NOVA2: variants seen among roughly 807,000 people sequenced by gnomAD.
NOVA2 encodes the protein NOVA alternative splicing regulator 2.
Under a neutral mutation model 22.5 loss-of-function variants are expected in NOVA2, and 9 were observed. The observed-to-expected ratio is 0.40, with a 90% CI of 0.24 to 0.70. The LOEUF is 0.70. Among genes scored for constraint, NOVA2 ranks in the 30% least tolerant of loss-of-function variants. NOVA2 has a pLI of 0.38. For missense variants in NOVA2, 383 were observed against 682.8 expected (o/e 0.56, Z 4.89); for synonymous variants, 318 against 335.2 (o/e 0.95, Z 0.56).
At chr19:45,948,911 C>A (rs1399993522) in intron 3 of NOVA2, among the ~76,000 whole-genome samples, 2 of 152,072 alleles carry the variant, frequency 1.3e-5, no homozygotes, top group African/African-American at 4.8e-5. Flanking sequence ...AACAGACAAG[C>A]AAAATGTGGT....
At chr19:45,968,862 C>T (rs1402403123) in intron 1 of NOVA2, among the ~76,000 whole-genome samples, 6 of 152,008 alleles carry the variant, frequency 3.9e-5, no homozygotes, top group Non-Finnish European at 8.8e-5. Context: ...ATGTTGACTT[C>T]GTGATAAAGA....
Position 45,939,563 on chromosome 19 carries a change from T to A in NOVA2, c.*300A>T. On this transcript the variant is annotated 3_prime_UTR_variant, in exon 4 of 4. Transcript: ENST00000263257. ...CTATTAAAATCAACAAAATGCAATATATACAGATATCACACAGACCTGGGC... is the reference window on the plus strand; with the variant it reads ...CTATTAAAATCAACAAAATGCAATAAATACAGATATCACACAGACCTGGGC... 1 of 305,690 alleles carries A rather than the reference T, an allele frequency of 3.3e-6. No individual in the cohort carries two copies. Among genetic ancestry groups the A allele is most frequent in the East Asian group, 6.3e-5 (1 of 15,920 alleles). The allele number at this position is 305,690 out of a possible 1,614,324, so 18.9% of individuals were successfully genotyped here. A position where few individuals can be genotyped will look rare whatever the true frequency, so the allele number is the denominator to read the frequency against.
chr19:45,949,343 C>CCG (rs1156247590), intron 3 of NOVA2, among the ~76,000 whole-genome samples: 1 of 134,522 alleles, frequency 7.4e-6, no homozygotes, highest in Non-Finnish European at 1.6e-5. Context: ...AAAAAAAACA[C>CCG]CAGGAAAAAC....
intron 3 of NOVA2, among the ~76,000 whole-genome samples, chr19:45,948,529 G>A (rs770553646): frequency 2.0e-5 from 3 of 151,596 alleles, no homozygotes; most frequent in South Asian, 2.1e-4. Flanking sequence ...GAACCCGGGA[G>A]GGGGAGCTTG....
chr19:45,951,827 T>G (rs902050894), intron 3 of NOVA2, among the ~76,000 whole-genome samples: 1 of 151,982 alleles, frequency 6.6e-6, no homozygotes, highest in Non-Finnish European at 1.5e-5. Flanking sequence ...ATAATAATAA[T>G]AAAGCATTTT....
chr19:45,947,070 C>G (rs954531173), intron 3 of NOVA2, among the ~76,000 whole-genome samples: 1 of 152,100 alleles, frequency 6.6e-6, no homozygotes, highest in African/African-American at 2.4e-5. Flanking sequence ...TTCCTCTTCT[C>G]CGCTTTATTT....
chr19:45,966,815 T>G lies in NOVA2; in HGVS notation c.86-5662A>C, dbSNP rs1178849500. Among the ~76,000 whole-genome samples the G allele has an allele frequency of 5.3e-5, 8 of 152,242 alleles. No homozygotes were observed. In the South Asian group the frequency reaches 1.2e-3, roughly 24 times the overall value. On this transcript the variant is annotated intron_variant, in intron 1 of 3. Transcript: ENST00000263257. ...TTGCTTGAACCCGGGAGGCGGAGGT[T>G]GCAGTGAGCTGAGATGGTGCCACTG... is the stretch of plus-strand genomic sequence containing the variant.
chr19:45,962,422 G>C (rs887962505), intron 1 of NOVA2: 2 of 152,690 alleles, frequency 1.3e-5, no homozygotes, highest in Non-Finnish European at 2.9e-5. Context: ...ACCAGCCCAC[G>C]GTCATCACCA....
rs1033823425 is a variant in NOVA2, at chr19:45,935,351, G to A, written c.*4512C>T. On this transcript the variant is annotated 3_prime_UTR_variant, in exon 4 of 4. Coordinates refer to ENST00000263257, the MANE Select transcript of NOVA2 (RefSeq NM_002516.4). ...CCATACACACCAGCAGTGGCGCCCGGAGACAAGCCCTCTCCAACCACGGCG... is the reference window on the plus strand; with the variant it reads ...CCATACACACCAGCAGTGGCGCCCGAAGACAAGCCCTCTCCAACCACGGCG... The A allele has an allele frequency of 4.6e-5, 7 of 152,426 alleles. No individual in the cohort carries two copies. Among genetic ancestry groups the A allele is most frequent in the African/African-American group, 1.4e-4 (6 of 41,440 alleles). The allele number at this position is 152,426 out of a possible 1,614,324, so 9.4% of individuals were successfully genotyped here.
At chr19:45,957,891 G>A (rs1199600257) in intron 2 of NOVA2, among the ~76,000 whole-genome samples, 6 of 151,936 alleles carry the variant, frequency 3.9e-5, no homozygotes, top group Non-Finnish European at 8.8e-5. Flanking sequence ...GAGGTCAGGA[G>A]ATCAAGACCA....
At chr19:45,964,346 ATTTGTGTGTG>A (rs1273048115) in intron 1 of NOVA2, among the ~76,000 whole-genome samples, 3 of 98,102 alleles carry the variant, frequency 3.1e-5, no homozygotes, top group East Asian at 6.0e-4. Context: ...TGCCCGGCTA[ATTTGTGTGTG>A]TGTGTGTGTG....
chr19:45,942,385 G>A (rs1321430596), intron 3 of NOVA2, among the ~76,000 whole-genome samples: 2 of 152,142 alleles, frequency 1.3e-5, no homozygotes, highest in African/African-American at 4.8e-5. Flanking sequence ...AGAAGGTCTA[G>A]GAGAGAGGCC....
intron 1 of NOVA2, among the ~76,000 whole-genome samples, chr19:45,972,663 GCACACATACACACACACGCA>G (rs1287163307): frequency 4.0e-5 from 6 of 151,806 alleles, no homozygotes; most frequent in African/African-American, 1.5e-4. Flanking sequence ...GCTGTAGAGG[GCACACATACACACACACGCA>G]CACACATACA....
At chr19:45,955,660 C>G (rs1012272123) in intron 2 of NOVA2, among the ~76,000 whole-genome samples, 1 of 151,952 alleles carries the variant, frequency 6.6e-6, no homozygotes, top group Non-Finnish European at 1.5e-5. Flanking sequence ...GAGATCGAGA[C>G]CATCCTGGGC....
Position 45,957,654 on chromosome 19 carries a change from C to T in NOVA2, c.229+3356G>A, listed in dbSNP as rs1600611713. Among the ~76,000 whole-genome samples, 4 of 150,818 alleles carry T rather than the reference C, an allele frequency of 2.7e-5. 1 individual carries two copies. In the South Asian group the frequency reaches 6.4e-4, roughly 24 times the overall value. On this transcript the variant is annotated intron_variant, in intron 2 of 3. Transcript: ENST00000263257. The stretch of plus-strand genomic sequence containing the variant: ...AGGAGGTTGAGGTTGCAGCGAGCCA[C>T]GATCGTGCCACTGCACTCCAGCCTG...
intron 1 of NOVA2, among the ~76,000 whole-genome samples, chr19:45,970,376 G>A (rs1968217556): frequency 1.2e-5 from 1 of 83,684 alleles, no homozygotes; most frequent in Non-Finnish European, 2.4e-5. Flanking sequence ...TGTGTTTTTT[G>A]TTGGTTTTTT....
Position 45,940,890 on chromosome 19 carries a change from G to A in NOVA2, c.452C>T (p.Ala151Val). Residue 151 changes from alanine (A) to valine (V), a missense_variant, in exon 4 of 4, where the codon GCC becomes GTC. This residue lies in a region of NOVA2 where 349 missense variants were observed against 578.1 expected (regional missense o/e 0.60). Coordinates refer to ENST00000263257, the MANE Select transcript of NOVA2 (RefSeq NM_002516.4). Reference sequence around the variant, plus strand: ...CTGTTCCATCACGGCTTTCACCGTGGCGCCTCCCTTGCCGATGATCAGGCC... The same window carrying A: ...CTGTTCCATCACGGCTTTCACCGTGACGCCTCCCTTGCCGATGATCAGGCC... ...TAGLIIGKGG[A>V]TVKAVMEQSG... is the part of the protein sequence containing the mutation. 1.2e-6 allele frequency: 2 copies of A among 1,605,628 alleles called. No homozygotes were observed. The highest frequency in any genetic ancestry group is 1.7e-6 in the Non-Finnish European group (2 of 1,179,930).
rs556384275 is a variant in NOVA2, at chr19:45,958,405, G to A, written c.229+2605C>T. Among the ~76,000 whole-genome samples the A allele has an allele frequency of 3.3e-5, 5 of 151,786 alleles. No homozygotes were observed. In the East Asian group the frequency reaches 9.7e-4, roughly 29 times the overall value. ...TGTGTGTGTGGGAGCATGTGTGTGA[G>A]TGGGGTGTGTGTGAGTGTGAATGAG... On this transcript the variant is annotated intron_variant, in intron 2 of 3. Transcript: ENST00000263257.
intron 1 of NOVA2, among the ~76,000 whole-genome samples, chr19:45,968,506 G>A (rs1210287754): frequency 6.6e-6 from 1 of 152,076 alleles, no homozygotes; most frequent in Non-Finnish European, 1.5e-5. Flanking sequence ...TGAAAGAAAG[G>A]CAGATGGGCC....
Sources: gnomAD v4.1 joint callset for allele counts (sites outside exome capture counted in the v4.1 genomes callset) on GRCh38, gnomAD v4.1.1 for gene constraint, gnomAD v4.1.1 regional missense constraint, MANE v1.5 for transcripts, NCBI Gene and HGNC (gene_info 2026-07-23, HGNC 2026-07-21) for gene names.